Variants in PCDHGB1 observed in about 807,000 individuals in gnomAD.
PCDHGB1 encodes the protein protocadherin gamma subfamily B, 1, also known as protocadherin gamma-B1.
In PCDHGB1, 34 loss-of-function variants were observed where a neutral mutation model predicts 56.6. That is an observed-to-expected ratio of 0.60 (90% confidence interval 0.46 to 0.80). PCDHGB1 has a LOEUF of 0.80. Ranked by LOEUF, PCDHGB1 falls within the 30% of genes least tolerant of loss-of-function variation. PCDHGB1 has a pLI of 0.00. For missense variants in PCDHGB1, 1,278 were observed against 1,204.6 expected (o/e 1.06, Z -0.90); for synonymous variants, 561 against 505.9 (o/e 1.11, Z -1.46).
intron 1 of PCDHGB1, chr5:141,421,916 G>A (rs754653877): frequency 2.5e-6 from 4 of 1,613,646 alleles, no homozygotes; most frequent in Non-Finnish European, 2.5e-6. Flanking sequence ...GTTCCCATTC[G>A]TGTGGTGGTC....
At position 141,431,823 on chromosome 5, in the gene PCDHGB1, CG is replaced by C. The variant is rs754257436; in HGVS notation, c.2410-62982del. ...GTGGTCCTCACCTCTCTCGCCAGCTCGGTTCCCGAAAACTCTCCCAGAGGGA... is the reference window on the plus strand; with the variant it reads ...GTGGTCCTCACCTCTCTCGCCAGCTCGTTCCCGAAAACTCTCCCAGAGGGA... On this transcript the variant is annotated intron_variant, in intron 1 of 3. Transcript: ENST00000523390. The surrounding 1 kb of genome is among the most constrained non-coding windows in gnomAD (Gnocchi z 4.8). 2.5e-6 allele frequency: 4 copies of C among 1,614,142 alleles called. No homozygotes were observed. In the East Asian group the frequency reaches 8.9e-5, roughly 36 times the overall value.
intron 1 of PCDHGB1, chr5:141,398,353 A>G: frequency 2.9e-6 from 4 of 1,397,978 alleles, no homozygotes; most frequent in Non-Finnish European, 4.0e-6. Flanking sequence ...GCCTTACTTC[A>G]CCGTGAGCGC....
intron 1 of PCDHGB1, chr5:141,399,900 C>A (rs752796935): frequency 6.2e-7 from 1 of 1,612,532 alleles, no homozygotes; most frequent in African/African-American, 1.3e-5. Flanking sequence ...TGGCCGTGGA[C>A]GCAGACTCAG....
At chr5:141,374,363 G>T (rs1770422956) in intron 1 of PCDHGB1, 2 of 1,613,916 alleles carry the variant, frequency 1.2e-6, no homozygotes, top group African/African-American at 2.7e-5. Flanking sequence ...AGACCGCGAG[G>T]AGCTCTGTGC....
At chr5:141,373,945 C>A in intron 1 of PCDHGB1, 1 of 765,672 alleles carries the variant, frequency 1.3e-6, no homozygotes, top group Non-Finnish European at 1.9e-6. Flanking sequence ...GAAAGCTGTG[C>A]AGAAATTCTG....
At chr5:141,392,585 G>A (rs749915419) in intron 1 of PCDHGB1, 4 of 468,068 alleles carry the variant, frequency 8.5e-6, no homozygotes, top group Non-Finnish European at 1.5e-5. Context: ...TGTAAGCGCC[G>A]CTGTTCACCT....
At chr5:141,420,061 G>A (rs376044810) in intron 1 of PCDHGB1, 3 of 1,613,958 alleles carry the variant, frequency 1.9e-6, no homozygotes, top group Non-Finnish European at 2.5e-6. Flanking sequence ...TCTGCTCCAA[G>A]TCCGGACCTG....
Position 141,487,321 on chromosome 5 carries a change from T to C in PCDHGB1, c.2410-7486T>C. 1.2e-6 allele frequency: 2 copies of C among 1,614,198 alleles called. No individual in the cohort carries two copies. The highest frequency in any genetic ancestry group is 1.7e-6 in the Non-Finnish European group (2 of 1,180,040). Reference sequence around the variant, plus strand: ...TCGTGGCACTACTCTCTAAGTGTCTTCGTGGGGCAGCCTGTGGAGTCACAT... The same window carrying C: ...TCGTGGCACTACTCTCTAAGTGTCTCCGTGGGGCAGCCTGTGGAGTCACAT... On this transcript the variant is annotated intron_variant, in intron 1 of 3. Transcript: ENST00000523390. The surrounding 1 kb of genome is among the most constrained non-coding windows in gnomAD (Gnocchi z 5.0).
intron 1 of PCDHGB1, chr5:141,400,570 T>C: frequency 6.2e-7 from 1 of 1,612,974 alleles, no homozygotes; most frequent in Non-Finnish European, 8.5e-7. Context: ...CACCCAATTT[T>C]CTGTATTTAC....
intron 1 of PCDHGB1, chr5:141,422,091 G>C: frequency 6.2e-7 from 1 of 1,611,830 alleles, no homozygotes. Context: ...TGGAAAGCAA[G>C]GCTTCTGAAA....
intron 1 of PCDHGB1, chr5:141,421,487 C>A (rs1447180364): frequency 6.2e-7 from 1 of 1,613,976 alleles, no homozygotes; most frequent in East Asian, 2.2e-5. Context: ...AGCTTGATCA[C>A]GGCAGGCAGG....
intron 1 of PCDHGB1, chr5:141,403,283 G>A: frequency 6.2e-7 from 1 of 1,613,914 alleles, no homozygotes; most frequent in South Asian, 1.1e-5. Context: ...AGTCCTGGTT[G>A]AAGACAGAGT....
chr5:141,361,004 A>G, intron 1 of PCDHGB1: 1 of 1,613,282 alleles, frequency 6.2e-7, no homozygotes, highest in African/African-American at 1.3e-5. Context: ...CAAGTGAAAC[A>G]CTTTTTCAAC....
chr5:141,428,744 T>C (rs939886054), intron 1 of PCDHGB1: 10 of 155,306 alleles, frequency 6.4e-5, no homozygotes, highest in African/African-American at 2.4e-4. Context: ...ATATCTACTA[T>C]TGCTTCAGGT....
chr5:141,489,335 G>T lies in PCDHGB1; in HGVS notation c.2410-5472G>T. On this transcript the variant is annotated intron_variant, in intron 1 of 3. Transcript: ENST00000523390. This position sits in a 1 kb window ranked among gnomAD's most constrained non-coding sequence, Gnocchi z 4.5. ...TGGGGCTGGGTGTCTGGGCAGCTTC[G>T]TTACTCAGTGGTGGAGGAGTCTGAG... 1.2e-6 allele frequency: 2 copies of T among 1,607,364 alleles called. No individual in the cohort carries two copies. The highest frequency in any genetic ancestry group is 1.7e-6 in the Non-Finnish European group (2 of 1,175,842).
At chr5:141,465,047 T>C (rs2099095978) in intron 1 of PCDHGB1, among the ~76,000 whole-genome samples, 1 of 152,088 alleles carries the variant, frequency 6.6e-6, no homozygotes, top group Non-Finnish European at 1.5e-5. Context: ...TGACCCTATA[T>C]ATTTTTTTGA....
intron 1 of PCDHGB1, chr5:141,394,938 G>A: frequency 6.2e-7 from 1 of 1,613,780 alleles, no homozygotes; most frequent in Non-Finnish European, 8.5e-7. Context: ...CGCCTTTGTC[G>A]CTGTGCTTCT....
At chr5:141,446,798 T>C (rs1223789118) in intron 1 of PCDHGB1, among the ~76,000 whole-genome samples, 1 of 152,160 alleles carries the variant, frequency 6.6e-6, no homozygotes, top group Non-Finnish European at 1.5e-5. Flanking sequence ...AGTTCTTCCA[T>C]TGTGATCATC....
At chr5:141,470,548 A>G (rs2099232978) in intron 1 of PCDHGB1, among the ~76,000 whole-genome samples, 1 of 152,182 alleles carries the variant, frequency 6.6e-6, no homozygotes, top group Non-Finnish European at 1.5e-5. Context: ...ATATTTATTG[A>G]GAGTTTCCTC....
Sources: allele counts gnomAD v4.1 joint callset (sites outside exome capture counted in the v4.1 genomes callset), GRCh38; gene constraint gnomAD v4.1.1; non-coding constraint Gnocchi (gnomAD v3.1); transcripts MANE v1.5; gene names NCBI Gene and HGNC (gene_info 2026-07-23, HGNC 2026-07-21).